UNC13B: variants seen among roughly 807,000 people sequenced by gnomAD.
The protein encoded by UNC13B is protein unc-13 homolog B.
Under a neutral mutation model 211.0 loss-of-function variants are expected in UNC13B, and 144 were observed. The ratio of observed to expected loss-of-function variants is 0.68; its 90% CI spans 0.60 to 0.78. UNC13B has a LOEUF of 0.78. UNC13B is among the 30% of genes least tolerant of loss of function. The pLI, the probability that UNC13B is intolerant of heterozygous loss-of-function variation, is 0.00. For synonymous variants in UNC13B, 709 were observed against 725.8 expected (o/e 0.98, Z 0.37); for missense variants, 1,777 against 2,002.0 (o/e 0.89, Z 2.14).
rs1192659484 is a variant in UNC13B at position 35,397,184 on chromosome 9, G to T, written c.11550G>T (p.Glu3850Asp). The T allele has an allele frequency of 6.2e-7, 1 of 1,614,172 alleles. No homozygotes were observed. ...DKKDGFQQTS[E>D]HALFSCSVVD... ...TTCCTTAGTTCCAGCAGACATCAGA[G>T]CATGCACTCTTTTCCTGCTCTGTGG... Residue 3850 changes from glutamate (E) to aspartate (D), a missense_variant, in exon 29 of 40, where the codon GAG (glutamate) becomes GAT (aspartate). Glu to Asp is a conservative substitution (Grantham distance 45). Coordinates refer to ENST00000635942, the MANE Select transcript of UNC13B (RefSeq NM_001371189.2).
At chr9:35,181,444 T>C (rs113220919) in intron 1 of UNC13B, among the ~76,000 whole-genome samples, 3 of 152,330 alleles carry the variant, frequency 2.0e-5, no homozygotes, top group African/African-American at 7.2e-5. Flanking sequence ...CTATTTCTCA[T>C]GTTTCTCACC....
chr9:35,221,306 G>A (rs1022349448), intron 1 of UNC13B, among the ~76,000 whole-genome samples: 5 of 152,094 alleles, frequency 3.3e-5, no homozygotes, highest in African/African-American at 7.2e-5. Context: ...CTGAGCTCAA[G>A]CAATCCACCT....
chr9:35,248,296 A>G (rs10972401), intron 6 of UNC13B, among the ~76,000 whole-genome samples: 1 of 152,044 alleles, frequency 6.6e-6, no homozygotes, highest in African/African-American at 2.4e-5. Context: ...TGATTTTTTC[A>G]AAAAACCAGC....
chr9:35,371,279 A>T (rs1260721463), intron 13 of UNC13B, among the ~76,000 whole-genome samples: 1 of 150,942 alleles, frequency 6.6e-6, no homozygotes, highest in African/African-American at 2.4e-5. Context: ...TTTTCTCTTC[A>T]TCATTTTTCT....
chr9:35,342,140 T>C, intron 11 of UNC13B: 3 of 985,432 alleles, frequency 3.0e-6, no homozygotes, highest in East Asian at 1.1e-4. Context: ...ACTGAGAATA[T>C]TAGCTCCTTG....
chr9:35,244,225 A>G (rs556661494), intron 6 of UNC13B, among the ~76,000 whole-genome samples: 170 of 152,310 alleles, frequency 1.1e-3, no homozygotes, highest in African/African-American at 3.9e-3. Flanking sequence ...AGGAAAGATT[A>G]ATGGAACAAA....
intron 21 of UNC13B, among the ~76,000 whole-genome samples, chr9:35,383,535 C>T (rs1032911413): frequency 6.6e-6 from 1 of 152,134 alleles, no homozygotes; most frequent in African/African-American, 2.4e-5. Flanking sequence ...TTTGCCTCAT[C>T]TCATTATGTA....
chr9:35,340,680 A>G (rs1831935550), intron 11 of UNC13B, among the ~76,000 whole-genome samples: 1 of 152,228 alleles, frequency 6.6e-6, no homozygotes, highest in Admixed American at 6.5e-5. Context: ...CTAAGGAGGA[A>G]GAGGGCCTTT....
chr9:35,216,496 G>T (rs139523417), intron 1 of UNC13B, among the ~76,000 whole-genome samples: 212 of 152,186 alleles, frequency 1.4e-3, no homozygotes, highest in African/African-American at 4.8e-3. Context: ...AATGGCAATG[G>T]GAACATACAC....
chr9:35,391,983 G>A (rs1221922927), intron 26 of UNC13B, among the ~76,000 whole-genome samples: 1 of 152,158 alleles, frequency 6.6e-6, no homozygotes, highest in East Asian at 1.9e-4. Flanking sequence ...CAAAAGGATT[G>A]AAAACTTCTA....
chr9:35,359,124 T>C (rs767436493), intron 11 of UNC13B, among the ~76,000 whole-genome samples: 1 of 152,194 alleles, frequency 6.6e-6, no homozygotes, highest in Non-Finnish European at 1.5e-5. Flanking sequence ...TGAATAGTCT[T>C]ACCACTCTTG....
intron 12 of UNC13B, 51 bp from the exon 13 acceptor site, chr9:35,370,267 G>C (rs752222554): frequency 3.2e-5 from 49 of 1,550,636 alleles, no homozygotes; most frequent in Admixed American, 5.0e-5. Flanking sequence ...GAACCCACCA[G>C]CTAACTCAAA....
intron 1 of UNC13B, among the ~76,000 whole-genome samples, chr9:35,164,177 C>T (rs985798176): frequency 3.3e-5 from 5 of 152,042 alleles, no homozygotes; most frequent in Admixed American, 6.6e-5. Flanking sequence ...CCACCAGGCC[C>T]GGCTAATTTT....
chr9:35,353,271 G>A (rs534049887), intron 11 of UNC13B: 284 of 1,232,296 alleles, frequency 2.3e-4, no homozygotes, highest in Non-Finnish European at 2.7e-4. Context: ...TTTTATACAA[G>A]TAAACTGGGC....
At chr9:35,399,119 T>C (rs1286670000) in intron 33 of UNC13B, 42 bp from the exon 34 acceptor site, 2 of 1,614,116 alleles carry the variant, frequency 1.2e-6, no homozygotes, top group East Asian at 4.5e-5. Flanking sequence ...AGAGGGGTTC[T>C]CAAACTCTCA....
intron 2 of UNC13B, among the ~76,000 whole-genome samples, chr9:35,229,900 C>T (rs1305523300): frequency 6.6e-6 from 1 of 152,126 alleles, no homozygotes; most frequent in Non-Finnish European, 1.5e-5. Context: ...TCATGTTAAG[C>T]AATGTTTGCC....
intron 8 of UNC13B, among the ~76,000 whole-genome samples, chr9:35,297,924 A>G (rs1484859428): frequency 6.6e-6 from 1 of 152,082 alleles, no homozygotes; most frequent in East Asian, 1.9e-4. Context: ...GTATTTCTCC[A>G]GTGTAAAGTT....
At chr9:35,359,548 CCTT>C (rs1748640286) in intron 11 of UNC13B, among the ~76,000 whole-genome samples, 1 of 152,202 alleles carries the variant, frequency 6.6e-6, no homozygotes, top group Non-Finnish European at 1.5e-5. Flanking sequence ...AACTCCTGAT[CCTT>C]CTTCTGAAGC....
intron 1 of UNC13B, among the ~76,000 whole-genome samples, chr9:35,189,068 T>A (rs1822511513): frequency 6.6e-6 from 1 of 152,242 alleles, no homozygotes; most frequent in South Asian, 2.1e-4. Flanking sequence ...ACAATCTTTC[T>A]GTAACTTGCT....
Sources: gnomAD v4.1 joint callset for allele counts (sites outside exome capture counted in the v4.1 genomes callset) on GRCh38, gnomAD v4.1.1 for gene constraint, MANE v1.5 for transcripts, NCBI Gene and HGNC (gene_info 2026-07-23, HGNC 2026-07-21) for gene names.